Variants in CDH13 observed in about 807,000 individuals in gnomAD.
CDH13 encodes cadherin 13, also known as cadherin-13.
CDH13 carries 24 observed loss-of-function variants against 63.8 expected under a neutral mutation model. The ratio of observed to expected loss-of-function variants is 0.38; its 90% CI spans 0.27 to 0.53. CDH13 has a LOEUF of 0.53. Ranked by LOEUF, CDH13 falls within the 20% of genes least tolerant of loss-of-function variation. The probability of loss-of-function intolerance (pLI) is 0.85; values close to 1 mark genes in which losing one functional copy is unlikely to be tolerated. For synonymous variants in CDH13, 503 were observed against 355.3 expected, an observed-to-expected ratio of 1.42 and a Z score of -4.67; for missense variants, 1,049 against 903.1, an observed-to-expected ratio of 1.16 and a Z score of -2.07.
intron 1 of CDH13, among the ~76,000 whole-genome samples, chr16:82,649,900 C>T (rs1260596675): frequency 1.3e-5 from 2 of 152,086 alleles, no homozygotes; most frequent in African/African-American, 4.8e-5. Context: ...TCCTGGGGTT[C>T]CTGAGAGGAG....
intron 6 of CDH13, among the ~76,000 whole-genome samples, chr16:83,359,220 C>T (rs2091113366): frequency 6.6e-6 from 1 of 152,140 alleles, no homozygotes; most frequent in Non-Finnish European, 1.5e-5. Context: ...ATCTGGTTTT[C>T]AGCTATGTTT....
At chr16:83,205,909 A>G (rs1403555987) in intron 4 of CDH13, among the ~76,000 whole-genome samples, 1 of 152,136 alleles carries the variant, frequency 6.6e-6, no homozygotes, top group Non-Finnish European at 1.5e-5. Flanking sequence ...GGCCAAAGGA[A>G]AACATCTTAT....
chr16:83,699,046 G>C (rs1409944834), intron 10 of CDH13, among the ~76,000 whole-genome samples: 1 of 152,246 alleles, frequency 6.6e-6, no homozygotes, highest in Non-Finnish European at 1.5e-5. Flanking sequence ...TTTAGGGGAA[G>C]GCCTGAATCT....
intron 1 of CDH13, chr16:82,825,655 C>G (rs998058053): frequency 2.6e-5 from 4 of 151,494 alleles, no homozygotes; most frequent in African/African-American, 9.7e-5. Context: ...AGGGAATTCT[C>G]CTGCCTCAGC....
At chr16:82,826,001 A>G (rs1490192353) in intron 1 of CDH13, 4 of 150,848 alleles carry the variant, frequency 2.7e-5, no homozygotes, top group Non-Finnish European at 4.4e-5. Context: ...CTACACACGC[A>G]CCCCACCACA....
At chr16:83,166,957 G>C (rs980327014) in intron 4 of CDH13, among the ~76,000 whole-genome samples, 1 of 152,120 alleles carries the variant, frequency 6.6e-6, no homozygotes, top group Non-Finnish European at 1.5e-5. Context: ...GATTCTAGGA[G>C]AGAAGCAGTT....
chr16:83,574,994 G>A (rs61527214), intron 7 of CDH13, among the ~76,000 whole-genome samples: 56,144 of 151,990 alleles, frequency 0.37, 11,464 homozygotes, highest in East Asian at 0.62. Flanking sequence ...GGAACAACCC[G>A]AACGCCCATC....
chr16:83,661,132 A>C (rs1018239068), intron 8 of CDH13, among the ~76,000 whole-genome samples: 29 of 152,036 alleles, frequency 1.9e-4, no homozygotes, highest in African/African-American at 6.5e-4. Context: ...TTCCTCAGGC[A>C]GTTTAAATTC....
At chr16:83,288,031 G>A (rs2089366202) in intron 5 of CDH13, among the ~76,000 whole-genome samples, 2 of 152,214 alleles carry the variant, frequency 1.3e-5, no homozygotes, top group African/African-American at 4.8e-5. Flanking sequence ...CTCCAGTACA[G>A]CTTATGTTGG....
At chr16:82,696,610 C>G (rs1597347402) in intron 1 of CDH13, among the ~76,000 whole-genome samples, 2 of 152,172 alleles carry the variant, frequency 1.3e-5, no homozygotes, top group South Asian at 2.1e-4. Flanking sequence ...AAGGCTGTAA[C>G]AGGAAAGCAG....
At chr16:83,584,503 G>A (rs898201160) in intron 7 of CDH13, among the ~76,000 whole-genome samples, 3 of 152,196 alleles carry the variant, frequency 2.0e-5, no homozygotes, top group African/African-American at 7.2e-5. Context: ...GCTTCAAAGA[G>A]AAAGTGACCC....
intron 3 of CDH13, among the ~76,000 whole-genome samples, chr16:83,108,968 GC>G (rs1298185987): frequency 6.6e-6 from 1 of 152,054 alleles, no homozygotes; most frequent in Admixed American, 6.5e-5. Flanking sequence ...TCCCCTCCCT[GC>G]CTCACTTCCT....
At chr16:83,240,931 A>G (rs1438956527) in intron 5 of CDH13, among the ~76,000 whole-genome samples, 2 of 152,074 alleles carry the variant, frequency 1.3e-5, no homozygotes, top group African/African-American at 4.8e-5. Context: ...ACAAATCTCC[A>G]GGACCTCTTC....
intron 8 of CDH13, among the ~76,000 whole-genome samples, chr16:83,666,743 G>A (rs1380720991): frequency 6.6e-6 from 1 of 151,910 alleles, no homozygotes; most frequent in Admixed American, 6.6e-5. Context: ...CCTCTCTAAG[G>A]CCTCCTCTTC....
chr16:83,220,723 C>T (rs1414763142), intron 5 of CDH13, among the ~76,000 whole-genome samples: 3 of 149,400 alleles, frequency 2.0e-5, no homozygotes, highest in Admixed American at 1.3e-4. Context: ...ATCATAATAG[C>T]GCCAATGTTT....
At chr16:83,405,281 C>A (rs1332291846) in intron 6 of CDH13, among the ~76,000 whole-genome samples, 2 of 152,176 alleles carry the variant, frequency 1.3e-5, no homozygotes, top group Admixed American at 6.5e-5. Context: ...GGAAGATGTG[C>A]AAGTACTAAT....
intron 4 of CDH13, among the ~76,000 whole-genome samples, chr16:83,195,689 C>A (rs1045108586): frequency 1.8e-4 from 27 of 152,100 alleles, no homozygotes; most frequent in African/African-American, 5.8e-4. Flanking sequence ...TGGGCAGGCA[C>A]ACAGATCCAA....
chr16:83,734,756 A>AATAATAATAAT (rs1555522520), intron 10 of CDH13, among the ~76,000 whole-genome samples: 5 of 52,966 alleles, frequency 9.4e-5, no homozygotes, highest in Non-Finnish European at 2.4e-4. Flanking sequence ...ATAATAATAA[A>AATAATAATAAT]AACAGGGATT....
chr16:82,983,115 G>A (rs1055280562), intron 2 of CDH13, among the ~76,000 whole-genome samples: 7 of 152,144 alleles, frequency 4.6e-5, no homozygotes, highest in Non-Finnish European at 8.8e-5. Flanking sequence ...GCAAGGGAGG[G>A]ATACTAAGGC....
Sources: allele counts gnomAD v4.1 joint callset (sites outside exome capture counted in the v4.1 genomes callset), GRCh38; gene constraint gnomAD v4.1.1; transcripts MANE v1.5; gene names NCBI Gene and HGNC (gene_info 2026-07-23, HGNC 2026-07-21).